Variants in FAM13B observed in about 807,000 individuals in gnomAD.
The protein encoded by FAM13B is protein FAM13B.
FAM13B carries 60 observed loss-of-function variants against 117.3 expected under a neutral mutation model. The observed-to-expected ratio is 0.51, with a 90% CI of 0.42 to 0.63. FAM13B has a LOEUF of 0.63. FAM13B is among the 30% of genes least tolerant of loss of function. The pLI, the probability that FAM13B is intolerant of heterozygous loss-of-function variation, is 0.00. For synonymous variants in FAM13B, 332 were observed against 356.1 expected (o/e 0.93, Z 0.76); for missense variants, 972 against 1,091.9 (o/e 0.89, Z 1.55).
Position 137,939,360 on chromosome 5 carries a change from A to C in FAM13B, c.*865T>G, listed in dbSNP as rs1761007631. 6.5e-6 allele frequency: 1 copy of C among 152,752 alleles called. No individual in the cohort carries two copies. Among genetic ancestry groups the C allele is most frequent in the Admixed American group, 6.5e-5 (1 of 15,284 alleles). The allele number at this position is 152,752 out of a possible 1,614,324, so 9.5% of individuals were successfully genotyped here. ...GATTGAACACACAAATCTGAGCACCATCAGAGTTCCTACATACTGACATGG... is the reference window on the plus strand; with the variant it reads ...GATTGAACACACAAATCTGAGCACCCTCAGAGTTCCTACATACTGACATGG... On this transcript the variant is annotated 3_prime_UTR_variant, in exon 24 of 24. Coordinates refer to ENST00000689681, the MANE Select transcript of FAM13B (RefSeq NM_001385994.1).
At chr5:137,996,406 TGGGATTACA>T (rs1165424473) in intron 7 of FAM13B, among the ~76,000 whole-genome samples, 2 of 152,140 alleles carry the variant, frequency 1.3e-5, no homozygotes, top group Non-Finnish European at 2.9e-5. Context: ...CCCAAAGTGC[TGGGATTACA>T]GGCGTGAGCC....
chr5:137,942,082 T>C (rs372243589), intron 22 of FAM13B, 37 bp from the exon 23 acceptor site: 713 of 1,506,084 alleles, frequency 4.7e-4, no homozygotes, highest in Admixed American at 6.7e-4. Flanking sequence ...AGGGCACACT[T>C]GATTCATTAT....
intron 1 of FAM13B, among the ~76,000 whole-genome samples, chr5:138,022,936 C>A (rs1446562553): frequency 1.3e-5 from 2 of 151,814 alleles, no homozygotes; most frequent in Non-Finnish European, 1.5e-5. Flanking sequence ...CCAAGCAATC[C>A]CCTGCCTCAG....
chr5:138,003,785 T>C (rs1266229013), intron 7 of FAM13B, among the ~76,000 whole-genome samples: 2 of 152,228 alleles, frequency 1.3e-5, no homozygotes, highest in African/African-American at 4.8e-5. Context: ...ACGGAGGCAG[T>C]CAGAACTCTC....
intron 10 of FAM13B, among the ~76,000 whole-genome samples, chr5:137,975,002 G>GT (rs765986663): frequency 1.2e-4 from 18 of 152,248 alleles, no homozygotes; most frequent in African/African-American, 4.1e-4. Flanking sequence ...ATTTCTTACG[G>GT]TTTTTTCTGG....
chr5:138,006,144 G>A (rs571604239), intron 7 of FAM13B, among the ~76,000 whole-genome samples: 40 of 152,114 alleles, frequency 2.6e-4, no homozygotes, highest in Admixed American at 1.1e-3. Flanking sequence ...TGATCTGCCC[G>A]TCTCGGCCTC....
At chr5:137,987,991 C>G (rs1035653432) in intron 8 of FAM13B, among the ~76,000 whole-genome samples, 1 of 152,182 alleles carries the variant, frequency 6.6e-6, no homozygotes, top group Non-Finnish European at 1.5e-5. Context: ...ACTGCTCACA[C>G]TTCTTATGTA....
chr5:137,984,419 T>C (rs1427251871), intron 10 of FAM13B, among the ~76,000 whole-genome samples: 1 of 152,170 alleles, frequency 6.6e-6, no homozygotes, highest in Non-Finnish European at 1.5e-5. Context: ...GTCATCTCAT[T>C]ACAACTAGGT....
At chr5:137,978,926 T>C (rs572901233) in intron 10 of FAM13B, among the ~76,000 whole-genome samples, 3 of 152,320 alleles carry the variant, frequency 2.0e-5, no homozygotes, top group Admixed American at 2.0e-4. Flanking sequence ...CTGTGTTTCT[T>C]ACCCCAGTTT....
At position 138,007,123 on chromosome 5, in the gene FAM13B, C is replaced by T; in HGVS notation, c.715G>A (p.Glu239Lys). ...EQVNELSEEE[E>K]EDEKLEHIEE... The stretch of plus-strand genomic sequence containing the variant: ...ATATGTTCCAGCTTTTCATCTTCCT[C>T]TTCTTCCTCAGAAAGTTCATTAACC... Residue 239 changes from glutamate (E) to lysine (K), a missense_variant, in exon 7 of 24, where the codon GAG (glutamate) becomes AAG (lysine). Coordinates refer to ENST00000689681, the MANE Select transcript of FAM13B (RefSeq NM_001385994.1). 6.2e-7 allele frequency: 1 copy of T among 1,609,470 alleles called. No homozygotes were observed. The highest frequency in any genetic ancestry group is 8.5e-7 in the Non-Finnish European group (1 of 1,178,892).
intron 10 of FAM13B, among the ~76,000 whole-genome samples, chr5:137,975,469 C>T (rs542636230): frequency 6.6e-6 from 1 of 152,264 alleles, no homozygotes; most frequent in African/African-American, 2.4e-5. Flanking sequence ...AAATTCATGT[C>T]ATCAAACTTC....
intron 10 of FAM13B, among the ~76,000 whole-genome samples, chr5:137,970,338 G>C (rs1226958675): frequency 1.3e-5 from 2 of 151,988 alleles, no homozygotes. Context: ...TTTCAACCCA[G>C]AATTTCATAT....
At chr5:137,940,514 G>T in intron 23 of FAM13B, 166 bp from the exon 24 acceptor site, 2 of 553,220 alleles carry the variant, frequency 3.6e-6, no homozygotes, top group South Asian at 2.6e-5. Context: ...TCATCCCCAA[G>T]GAACACTTCT....
At chr5:138,030,929 A>T (rs926006761) in intron 1 of FAM13B, among the ~76,000 whole-genome samples, 1 of 152,032 alleles carries the variant, frequency 6.6e-6, no homozygotes, top group Admixed American at 6.5e-5. Flanking sequence ...GCTACTCGGG[A>T]GGCTAAGTCA....
Position 137,943,200 on chromosome 5 carries a change from T to C in FAM13B, c.2357A>G (p.Lys786Arg), listed in dbSNP as rs768842044. The C allele has an allele frequency of 8.7e-6, 14 of 1,613,824 alleles. No homozygotes were observed. The highest frequency in any genetic ancestry group is 1.0e-5 in the Non-Finnish European group (12 of 1,179,802). The change falls in exon 21 of 24, where the codon AAG becomes AGG. Residue 786 changes from lysine (K) to arginine (R), a missense_variant. Lys to Arg is a conservative substitution (Grantham distance 26). Transcript: ENST00000689681. ...ITPVLGSPST[K>R]RRGQMLQPII... is the part of the protein sequence containing the mutation. ...TGGCTGTAACATCTGACCCCTTCGC[T>C]TGGTGGATGGAGATCCCTATAACAA...
intron 10 of FAM13B, among the ~76,000 whole-genome samples, chr5:137,969,577 T>C (rs1164639561): frequency 2.6e-5 from 4 of 152,342 alleles, no homozygotes; most frequent in South Asian, 2.1e-4. Context: ...AGGAACGCAG[T>C]TCCTCACCAG....
intron 10 of FAM13B, among the ~76,000 whole-genome samples, chr5:137,973,147 C>T (rs773252893): frequency 9.9e-5 from 15 of 152,180 alleles, no homozygotes; most frequent in Non-Finnish European, 2.1e-4. Flanking sequence ...GCCCACATCG[C>T]CAAGTCAATC....
intron 10 of FAM13B, among the ~76,000 whole-genome samples, chr5:137,968,266 T>C (rs75105673): frequency 0.022 from 3,215 of 148,970 alleles, 103 homozygotes; most frequent in African/African-American, 0.075. Flanking sequence ...AATGTAAGTT[T>C]CCACTAAAAA....
At chr5:137,969,370 G>A (rs1244757021) in intron 10 of FAM13B, among the ~76,000 whole-genome samples, 2 of 152,116 alleles carry the variant, frequency 1.3e-5, no homozygotes, top group Admixed American at 1.3e-4. Flanking sequence ...CACACGGCCG[G>A]GTGCTCCAAC....
Sources: gnomAD v4.1 joint callset for allele counts (sites outside exome capture counted in the v4.1 genomes callset) on GRCh38, gnomAD v4.1.1 for gene constraint, MANE v1.5 for transcripts, NCBI Gene and HGNC (gene_info 2026-07-23, HGNC 2026-07-21) for gene names.